PRDM16: variants seen among roughly 807,000 people sequenced by gnomAD.
The protein encoded by PRDM16 is histone-lysine N-methyltransferase PRDM16.
In PRDM16, 23 loss-of-function variants were observed where a neutral mutation model predicts 110.6. That is an observed-to-expected ratio of 0.21 (90% confidence interval 0.15 to 0.29). The LOEUF (loss-of-function observed/expected upper bound fraction) is 0.29, where lower values mean the gene tolerates loss of function less well. Ranked by LOEUF, PRDM16 falls within the 10% of genes least tolerant of loss-of-function variation. PRDM16 has a pLI of 1.00. For synonymous variants in PRDM16, 799 were observed against 781.8 expected, an observed-to-expected ratio of 1.02 and a Z score of -0.37; for missense variants, 1,615 against 1,794.3, an observed-to-expected ratio of 0.90 and a Z score of 1.81.
intron 12 of PRDM16, among the ~76,000 whole-genome samples, chr1:3,419,444 G>A (rs1380707946): frequency 6.6e-6 from 1 of 152,218 alleles, no homozygotes; most frequent in Non-Finnish European, 1.5e-5. Flanking sequence ...CCATTTCAAA[G>A]ATGAGGGGCC....
chr1:3,095,936 C>T (rs142972842), intron 1 of PRDM16, among the ~76,000 whole-genome samples: 1 of 152,018 alleles, frequency 6.6e-6, no homozygotes, highest in Admixed American at 6.5e-5. Flanking sequence ...TGACAGGGGT[C>T]TGGGGCCAGT....
chr1:3,381,175 TAC>T (rs753579387), intron 3 of PRDM16, among the ~76,000 whole-genome samples: 27 of 152,170 alleles, frequency 1.8e-4, no homozygotes, highest in Middle Eastern at 3.4e-3. Context: ...CACACATACA[TAC>T]ATGCACAGGT....
intron 3 of PRDM16, among the ~76,000 whole-genome samples, chr1:3,271,732 T>C (rs969135361): frequency 6.6e-5 from 10 of 152,134 alleles, no homozygotes; most frequent in Non-Finnish European, 1.5e-4. Context: ...GAAAAGCTCC[T>C]GCCTCAGAGG....
In PRDM16 at chr1:3,389,765, C is replaced by T. The variant is rs550142562; in HGVS notation, c.573+4479C>T. ...GGGAGCTGCTGGGAGCAAAACATCC[C>T]TGCACACAGCTGCGGGGACCGAGCC... On this transcript the variant is annotated intron_variant, in intron 4 of 16. Coordinates refer to ENST00000270722, the MANE Select transcript of PRDM16 (RefSeq NM_022114.4). Among the ~76,000 whole-genome samples, 22 of 152,354 alleles carry T rather than the reference C, an allele frequency of 1.4e-4. No homozygotes were observed. The South Asian group carries it at 4.6e-3, about 32-fold the overall frequency.
intron 3 of PRDM16, among the ~76,000 whole-genome samples, chr1:3,329,764 G>A (rs1003385767): frequency 2.6e-5 from 4 of 152,342 alleles, no homozygotes; most frequent in East Asian, 1.9e-4. Flanking sequence ...CAGGCCGTGC[G>A]GCTTCTGGAG....
chr1:3,143,310 G>A lies in PRDM16; in HGVS notation c.38-42815G>A, dbSNP rs1170671010. ...GTCCGGGCTGAGGACTTCGTCAGGT[G>A]TCAGGACTCGGGACAGCAGGACCCT... On this transcript the variant is annotated intron_variant, in intron 1 of 16. Transcript: ENST00000270722. The surrounding 1 kb of genome is among the most constrained non-coding windows in gnomAD (Gnocchi z 4.5). 6.6e-6 allele frequency among the ~76,000 whole-genome samples: 1 copy of A among 152,110 alleles called. No homozygotes were observed. The highest frequency in any genetic ancestry group is 1.5e-5 in the Non-Finnish European group (1 of 68,014).
intron 1 of PRDM16, among the ~76,000 whole-genome samples, chr1:3,121,514 G>A (rs1486850535): frequency 6.6e-6 from 1 of 152,252 alleles, no homozygotes; most frequent in Non-Finnish European, 1.5e-5. Context: ...CGTTTCTGTG[G>A]AGACTCCGAA....
intron 3 of PRDM16, among the ~76,000 whole-genome samples, chr1:3,297,954 G>A (rs993589472): frequency 6.6e-6 from 1 of 151,604 alleles, no homozygotes; most frequent in African/African-American, 2.4e-5. Context: ...AAGCTCCGCA[G>A]GAGCCAGCTC....
At chr1:3,089,057 A>G (rs1291077573) in intron 1 of PRDM16, among the ~76,000 whole-genome samples, 2 of 152,214 alleles carry the variant, frequency 1.3e-5, no homozygotes, top group Admixed American at 1.3e-4. Context: ...TGCTGGGATT[A>G]CAGGCGTGAG....
In PRDM16 at chr1:3,175,450, C is replaced by T. The variant is rs1644073640; in HGVS notation, c.38-10675C>T. ...GCCTGCCTGATGCGCCCACCTCTCC[C>T]TCTCCCTGTTTTGTTCAGGGGGCAG... On this transcript the variant is annotated intron_variant, in intron 1 of 16. Transcript: ENST00000270722. The surrounding 1 kb of genome is among the most constrained non-coding windows in gnomAD (Gnocchi z 4.8). 6.6e-6 allele frequency among the ~76,000 whole-genome samples: 1 copy of T among 152,196 alleles called. No individual in the cohort carries two copies. Among genetic ancestry groups the T allele is most frequent in the African/African-American group, 2.4e-5 (1 of 41,450 alleles).
Position 3,412,700 on chromosome 1 carries a change from G to T in PRDM16, c.2503G>T (p.Ala835Ser). 6.7e-7 allele frequency: 1 copy of T among 1,493,670 alleles called. No individual in the cohort carries two copies. The highest frequency in any genetic ancestry group is 8.9e-7 in the Non-Finnish European group (1 of 1,121,536). 92.5% of individuals were successfully genotyped at this position (1,493,670 alleles called of 1,614,324 possible). ...NHVYGERKLG[A>S]GEGLPQVCPA... The stretch of plus-strand genomic sequence containing the variant: ...CGTCTATGGGGAACGCAAGCTGGGC[G>T]CCGGCGAGGGGCTGCCCCAGGTGTG... The change falls in exon 9 of 17, where the codon GCC (alanine) becomes TCC (serine). Residue 835 changes from alanine to serine, a missense_variant. Physicochemically the swap from Ala to Ser is moderately conservative, Grantham distance 99. Around this residue, in one of 5 missense-constraint regions of PRDM16, gnomAD observed 772 missense variants for 748.3 expected, o/e 1.03. Transcript: ENST00000270722.
At position 3,206,005 on chromosome 1, in the gene PRDM16, C is replaced by T. The variant is rs1638745000; in HGVS notation, c.387+19531C>T. On this transcript the variant is annotated intron_variant, in intron 2 of 16. Coordinates refer to ENST00000270722, the MANE Select transcript of PRDM16 (RefSeq NM_022114.4). This position sits in a 1 kb window ranked among gnomAD's most constrained non-coding sequence, Gnocchi z 4.9. ...GAGTTGCAGAAAACAGCAGCGCGCC[C>T]CAGCGCTGCCCTCCCAGCTGTGTGT... is the stretch of plus-strand genomic sequence containing the variant. 1 of 152,336 alleles carries T rather than the reference C, an allele frequency of 6.6e-6. No homozygotes were observed. Among genetic ancestry groups the T allele is most frequent in the African/African-American group, 2.4e-5 (1 of 41,470 alleles). 9.4% of individuals were successfully genotyped at this position (152,336 alleles called of 1,614,324 possible). A position where few individuals can be genotyped will look rare whatever the true frequency, so the allele number is the denominator to read the frequency against.
At chr1:3,101,671 C>A (rs1325638175) in intron 1 of PRDM16, among the ~76,000 whole-genome samples, 1 of 152,224 alleles carries the variant, frequency 6.6e-6, no homozygotes, top group African/African-American at 2.4e-5. Context: ...CGGAAGCCAC[C>A]AAGTGAGGGA....
chr1:3,224,932 G>T (rs939940125), intron 2 of PRDM16, among the ~76,000 whole-genome samples: 5 of 152,204 alleles, frequency 3.3e-5, no homozygotes, highest in Admixed American at 3.3e-4. Flanking sequence ...GGACTCTGGC[G>T]GGGCCACAGG....
At chr1:3,129,374 TGGGTGCGTGTGC>T (rs1643286639) in intron 1 of PRDM16, among the ~76,000 whole-genome samples, 1 of 123,908 alleles carries the variant, frequency 8.1e-6, no homozygotes, top group South Asian at 2.9e-4. Flanking sequence ...GGTGAGTGTG[TGGGTGCGTGTGC>T]ACGTGTGTGT....
intron 3 of PRDM16, among the ~76,000 whole-genome samples, chr1:3,349,715 G>A (rs1184296594): frequency 2.0e-5 from 3 of 152,176 alleles, no homozygotes; most frequent in African/African-American, 7.2e-5. Context: ...CCGGCTTCCT[G>A]CGCTCTGGGG....
rs397744120 is a variant in PRDM16, at chr1:3,365,949, C to CAT, written c.439-19203_439-19202insAT. Among the ~76,000 whole-genome samples, 5 of 144,776 alleles carry CAT rather than the reference C, an allele frequency of 3.5e-5. No individual in the cohort carries two copies. In the South Asian group the frequency reaches 8.3e-4, roughly 24 times the overall value. 95.0% of individuals were successfully genotyped at this position (144,776 alleles called of 152,430 possible). ...ACGCACACATGCACACAAACGCACA[C>CAT]GCATGCACACATGCACACACACGCA... On this transcript the variant is annotated intron_variant, in intron 3 of 16. Coordinates refer to ENST00000270722, the MANE Select transcript of PRDM16 (RefSeq NM_022114.4).
At chr1:3,286,294 C>T (rs912076725) in intron 3 of PRDM16, among the ~76,000 whole-genome samples, 2 of 152,206 alleles carry the variant, frequency 1.3e-5, no homozygotes, top group Non-Finnish European at 2.9e-5. Context: ...TCAGTGTTTG[C>T]GGACCAAGGG....
chr1:3,326,178 C>A (rs1641904647), intron 3 of PRDM16, among the ~76,000 whole-genome samples: 2 of 151,740 alleles, frequency 1.3e-5, no homozygotes, highest in Admixed American at 1.3e-4. Flanking sequence ...ATCCTTGGCC[C>A]TCCTTGGCCA....
Sources: gnomAD v4.1 joint callset for allele counts (sites outside exome capture counted in the v4.1 genomes callset) on GRCh38, gnomAD v4.1.1 for gene constraint, gnomAD v4.1.1 regional missense constraint, Gnocchi (gnomAD v3.1) non-coding constraint, MANE v1.5 for transcripts, NCBI Gene and HGNC (gene_info 2026-07-23, HGNC 2026-07-21) for gene names.